Variants in BSPRY observed in about 807,000 individuals in gnomAD.
BSPRY encodes the protein B box and SPRY domain-containing protein.
In BSPRY, 33 loss-of-function variants were observed where a neutral mutation model predicts 38.0. The observed-to-expected ratio is 0.87, with a 90% CI of 0.66 to 1.16. The LOEUF is 1.16. BSPRY is among the 50% of genes most tolerant of loss of function. The pLI, the probability that BSPRY is intolerant of heterozygous loss-of-function variation, is 0.00. For missense variants in BSPRY, 523 were observed against 533.2 expected, an observed-to-expected ratio of 0.98 and a Z score of 0.19; for synonymous variants, 224 against 228.5, an observed-to-expected ratio of 0.98 and a Z score of 0.18.
At chr9:113,365,456 T>C (rs4979242) in intron 4 of BSPRY, among the ~76,000 whole-genome samples, 60,009 of 152,130 alleles carry the variant, frequency 0.39, 13,776 homozygotes, top group African/African-American at 0.64. Flanking sequence ...GTAGAAGCCC[T>C]TTCAAGCTGG....
intron 2 of BSPRY, 35 bp from the exon 3 acceptor site, chr9:113,360,472 C>G (rs373662223): frequency 1.9e-5 from 30 of 1,559,950 alleles, no homozygotes; most frequent in Non-Finnish European, 2.6e-5. Context: ...GGGCTTTGCA[C>G]AGACCACCCA....
At chr9:113,349,905 C>G (rs895334492) in intron 1 of BSPRY, 125 bp downstream of exon 1, 6 of 1,162,464 alleles carry the variant, frequency 5.2e-6, no homozygotes, top group Middle Eastern at 3.4e-4. Context: ...AGCCTAGGCT[C>G]CTCGGTGGCT....
intron 1 of BSPRY, 35 bp downstream of exon 1, chr9:113,349,815 C>T: frequency 5.8e-6 from 7 of 1,216,360 alleles, no homozygotes; most frequent in Middle Eastern, 3.3e-4. Flanking sequence ...GCGAGGGCTC[C>T]GGAGACCCCG....
rs548730981 is a variant in BSPRY at position 113,360,688 on chromosome 9, G to A, written c.482G>A (p.Arg161His). 71 of 1,604,870 alleles carry A rather than the reference G, an allele frequency of 4.4e-5. No individual in the cohort carries two copies. The East Asian group carries it at 1.4e-3, about 32-fold the overall frequency. The stretch of plus-strand genomic sequence containing the variant: ...GCGCTGCAGAAACTTGACACCATCC[G>A]CACTGGCCTGGTGGGCATGCTTACT... Reference protein sequence around the residue: ...AEALQKLDTIRTGLVGMLTHL... With the variant: ...AEALQKLDTIHTGLVGMLTHL... Residue 161 changes from arginine to histidine, a missense_variant, in exon 3 of 6, where the codon CGC becomes CAC. Transcript: ENST00000374183.
chr9:113,363,619 G>A (rs1221791047), intron 4 of BSPRY, among the ~76,000 whole-genome samples: 1 of 151,650 alleles, frequency 6.6e-6, no homozygotes, highest in African/African-American at 2.4e-5. Flanking sequence ...GGTGGCTCAT[G>A]CCTATAATCC....
intron 4 of BSPRY, among the ~76,000 whole-genome samples, chr9:113,366,571 G>A (rs758006447): frequency 6.6e-6 from 1 of 152,214 alleles, no homozygotes; most frequent in Non-Finnish European, 1.5e-5. Context: ...GGGGCCATGA[G>A]TTTTGTCTTC....
chr9:113,351,617 T>C (rs1260000168), intron 1 of BSPRY, among the ~76,000 whole-genome samples: 1 of 152,124 alleles, frequency 6.6e-6, no homozygotes, highest in African/African-American at 2.4e-5. Flanking sequence ...TTTTGGCAGA[T>C]GGAACTGAGG....
chr9:113,349,924 A>G, intron 1 of BSPRY, 144 bp downstream of exon 1: 1 of 1,112,038 alleles, frequency 9.0e-7, no homozygotes, highest in East Asian at 3.6e-5. Context: ...CTTTGGCTGT[A>G]GGACTAGGCG....
chr9:113,362,303 T>A, intron 3 of BSPRY, 66 bp from the exon 4 acceptor site: 2 of 1,578,114 alleles, frequency 1.3e-6, no homozygotes, highest in Non-Finnish European at 1.7e-6. Flanking sequence ...TAGTTAAATC[T>A]GTCTTAGCAT....
chr9:113,364,220 T>A (rs1264416196), intron 4 of BSPRY, among the ~76,000 whole-genome samples: 1 of 152,108 alleles, frequency 6.6e-6, no homozygotes, highest in East Asian at 1.9e-4. Flanking sequence ...ACAGATAGGA[T>A]CATTTTATAC....
intron 2 of BSPRY, among the ~76,000 whole-genome samples, chr9:113,356,490 C>T (rs560998631): frequency 1.4e-5 from 2 of 139,432 alleles, no homozygotes; most frequent in East Asian, 2.1e-4. Context: ...GGCAACAGTG[C>T]GAGACTCTGT....
intron 4 of BSPRY, among the ~76,000 whole-genome samples, chr9:113,365,758 T>A (rs113556428): frequency 0.38 from 54,278 of 144,288 alleles, 11,867 homozygotes; most frequent in African/African-American, 0.61. Flanking sequence ...AGAGTGTGTG[T>A]GTGTGTGTGT....
intron 4 of BSPRY, among the ~76,000 whole-genome samples, chr9:113,367,207 T>A (rs143115776): frequency 6.6e-6 from 1 of 152,200 alleles, no homozygotes; most frequent in East Asian, 1.9e-4. Context: ...TTAAATCAGA[T>A]AACCACTACC....
intron 1 of BSPRY, among the ~76,000 whole-genome samples, chr9:113,353,346 A>G (rs1197498762): frequency 1.3e-5 from 2 of 152,166 alleles, no homozygotes; most frequent in Non-Finnish European, 2.9e-5. Flanking sequence ...TGATCATGCC[A>G]CTGCACTCAG....
chr9:113,362,270 A>C (rs917380973), intron 3 of BSPRY, 99 bp from the exon 4 acceptor site: 1 of 1,250,716 alleles, frequency 8.0e-7, no homozygotes, highest in Non-Finnish European at 1.2e-6. Context: ...TTTATTCTAG[A>C]GTCCACATGG....
chr9:113,360,817 A>G (rs545380706), intron 3 of BSPRY, 80 bp downstream of exon 3: 2 of 1,207,342 alleles, frequency 1.7e-6, no homozygotes, highest in Admixed American at 2.1e-5. Context: ...GTTTGTCGGT[A>G]TGAGGAGGGT....
In BSPRY at chr9:113,370,328, C is replaced by A; in HGVS notation, c.*186C>A. 1 of 622,834 alleles carries A rather than the reference C, an allele frequency of 1.6e-6. No homozygotes were observed. The highest frequency in any genetic ancestry group is 5.4e-5 in the South Asian group (1 of 18,422). The allele number at this position is 622,834 out of a possible 1,614,324, so 38.6% of individuals were successfully genotyped here. On this transcript the variant is annotated 3_prime_UTR_variant, in exon 6 of 6. Coordinates refer to ENST00000374183, the MANE Select transcript of BSPRY (RefSeq NM_017688.3). The surrounding 1 kb of genome is among the most constrained non-coding windows in gnomAD (Gnocchi z 4.8). ...GGCATAACCTGTAAATCACAGGTGTCCAAACTTTTGGCTTCCCTGGGCCAC... is the reference window on the plus strand; with the variant it reads ...GGCATAACCTGTAAATCACAGGTGTACAAACTTTTGGCTTCCCTGGGCCAC...
chr9:113,351,548 T>C (rs1588059582), intron 1 of BSPRY, among the ~76,000 whole-genome samples: 1 of 152,246 alleles, frequency 6.6e-6, no homozygotes, highest in East Asian at 1.9e-4. Context: ...ATGTAACTAA[T>C]TTCTACTTCT....
rs1233733739 is a variant in BSPRY, at chr9:113,370,058, G to T, written c.1125G>T (p.Val375=). 9.9e-6 allele frequency: 16 copies of T among 1,613,894 alleles called. No individual in the cohort carries two copies. The highest frequency in any genetic ancestry group is 1.2e-5 in the Non-Finnish European group (14 of 1,179,990). ...LLFYEPASGT[V]LCAHHVSFPG... The stretch of plus-strand genomic sequence containing the variant: ...TCTATGAGCCAGCCTCCGGCACAGT[G>T]CTCTGTGCCCATCATGTGTCCTTCC... The change falls in exon 6 of 6, where the codon GTG becomes GTT. Residue 375 remains valine (V), a synonymous_variant. Transcript: ENST00000374183. The surrounding 1 kb of genome is among the most constrained non-coding windows in gnomAD (Gnocchi z 4.8).
Sources: allele counts gnomAD v4.1 joint callset (sites outside exome capture counted in the v4.1 genomes callset), GRCh38; gene constraint gnomAD v4.1.1; non-coding constraint Gnocchi (gnomAD v3.1); transcripts MANE v1.5; gene names NCBI Gene and HGNC (gene_info 2026-07-23, HGNC 2026-07-21).